Variants in PCGF5 observed in about 807,000 individuals in gnomAD.
The protein encoded by PCGF5 is polycomb group RING finger protein 5.
Under a neutral mutation model 44.3 loss-of-function variants are expected in PCGF5, and 9 were observed. That is an observed-to-expected ratio of 0.20 (90% CI 0.12 to 0.35). PCGF5 has a LOEUF of 0.35. Ranked by LOEUF, PCGF5 falls within the 10% of genes least tolerant of loss-of-function variation. The probability of loss-of-function intolerance (pLI) is 1.00; values close to 1 mark genes in which losing one functional copy is unlikely to be tolerated. For missense variants in PCGF5, 146 were observed against 305.3 expected (o/e 0.48, Z 3.89); for synonymous variants, 95 against 102.5 (o/e 0.93, Z 0.44).
chr10:91,265,898 G>A (rs756769248), intron 8 of PCGF5, among the ~76,000 whole-genome samples: 3 of 152,186 alleles, frequency 2.0e-5, no homozygotes, highest in Non-Finnish European at 2.9e-5. Context: ...ACCAAATAGT[G>A]TGTGGCCTTG....
chr10:91,231,750 G>A (rs12774904), intron 2 of PCGF5, among the ~76,000 whole-genome samples: 5,679 of 152,276 alleles, frequency 0.037, 150 homozygotes, highest in Middle Eastern at 0.082. Flanking sequence ...ATGTTTAAAG[G>A]AATCACTCAG....
chr10:91,190,506 A>G (rs889670860), intron 1 of PCGF5, among the ~76,000 whole-genome samples: 2 of 152,192 alleles, frequency 1.3e-5, no homozygotes, highest in African/African-American at 4.8e-5. Context: ...AATTATTACC[A>G]AGGTCATTTT....
At chr10:91,192,766 G>A (rs913890046) in intron 1 of PCGF5, among the ~76,000 whole-genome samples, 2 of 152,140 alleles carry the variant, frequency 1.3e-5, no homozygotes, top group African/African-American at 2.4e-5. Flanking sequence ...GCACAGAAAG[G>A]AGAAATCAAA....
upstream of PCGF5, among the ~76,000 whole-genome samples, chr10:91,161,092 G>A (rs773149616): frequency 2.0e-5 from 3 of 152,306 alleles, no homozygotes; most frequent in South Asian, 6.2e-4. Context: ...GATGTCTGCC[G>A]CAGTAGTTGC....
At chr10:91,259,554 A>G (rs1476157293) in intron 6 of PCGF5, among the ~76,000 whole-genome samples, 3 of 152,184 alleles carry the variant, frequency 2.0e-5, no homozygotes, top group African/African-American at 7.2e-5. Flanking sequence ...GCATCACGCT[A>G]CCTGACTTCA....
chr10:91,171,850 T>C (rs946522432), intron 1 of PCGF5, among the ~76,000 whole-genome samples: 1 of 152,132 alleles, frequency 6.6e-6, no homozygotes, highest in Non-Finnish European at 1.5e-5. Context: ...TAGAAGATCA[T>C]TGGTCTTCGG....
At chr10:91,173,590 T>G (rs1564624492) in intron 1 of PCGF5, among the ~76,000 whole-genome samples, 1 of 150,046 alleles carries the variant, frequency 6.7e-6, no homozygotes, top group Non-Finnish European at 1.5e-5. Context: ...TTTTTTTTTT[T>G]TTTTTCCCAC....
intron 7 of PCGF5, among the ~76,000 whole-genome samples, chr10:91,263,192 T>G (rs1845967512): frequency 6.6e-6 from 1 of 152,196 alleles, no homozygotes; most frequent in Admixed American, 6.5e-5. Context: ...TGTAACAGCA[T>G]TGCTAACTGG....
At chr10:91,230,760 C>T (rs1844980548) in intron 2 of PCGF5, among the ~76,000 whole-genome samples, 1 of 152,130 alleles carries the variant, frequency 6.6e-6, no homozygotes, top group Non-Finnish European at 1.5e-5. Context: ...AGCTGTGTTA[C>T]AGGTGTGCAC....
chr10:91,283,761 G>A lies in PCGF5; in HGVS notation c.*5445G>A, dbSNP rs1361853315. On this transcript the variant is annotated 3_prime_UTR_variant, in exon 10 of 10. Transcript: ENST00000336126. ...CTGAGCAACACAACAGAGATCATCA[G>A]TTTTAAATAGAGTAGCCCTCACAAT... 3.9e-5 allele frequency: 6 copies of A among 152,302 alleles called. No individual in the cohort carries two copies. The highest frequency in any genetic ancestry group is 1.4e-4 in the African/African-American group (6 of 41,432). 9.4% of individuals were successfully genotyped at this position (152,302 alleles called of 1,614,324 possible). A position where few individuals can be genotyped will look rare whatever the true frequency, so the allele number is the denominator to read the frequency against.
rs1223274106 is a variant in PCGF5 at position 91,282,202 on chromosome 10, AGG to A, written c.*3887_*3888del. 1 of 152,212 alleles carries A rather than the reference AGG, an allele frequency of 6.6e-6. No individual in the cohort carries two copies. The highest frequency in any genetic ancestry group is 1.5e-5 in the Non-Finnish European group (1 of 68,054). The allele number at this position is 152,212 out of a possible 1,614,324, so 9.4% of individuals were successfully genotyped here. A position where few individuals can be genotyped will look rare whatever the true frequency, so the allele number is the denominator to read the frequency against. ...TTTTTTCCCCTTAAAAAGCAACTCT[AGG>A]CCGGGCACAGTGGCTCATGCCTGTA... On this transcript the variant is annotated 3_prime_UTR_variant, in exon 10 of 10. Transcript: ENST00000336126.
rs1845908948 is a variant in PCGF5 at position 91,261,540 on chromosome 10, AT to A, written c.573+121del. On this transcript the variant is annotated intron_variant, in intron 7 of 9. Coordinates refer to ENST00000336126, the MANE Select transcript of PCGF5 (RefSeq NM_032373.5). ...ATTAATTTTTGTGGAAACTTTGATT[AT>A]TTTTGTGTTAAAAATTTAATTTTCA... 7 of 1,222,440 alleles carry A rather than the reference AT, an allele frequency of 5.7e-6. No homozygotes were observed. The Admixed American group carries it at 1.1e-4, about 19-fold the overall frequency. The allele number at this position is 1,222,440 out of a possible 1,614,324, so 75.7% of individuals were successfully genotyped here. A position where few individuals can be genotyped will look rare whatever the true frequency, so the allele number is the denominator to read the frequency against.
rs7089166 is a variant in PCGF5, at chr10:91,224,972, T to C, written c.112+1989T>C. ...CTTCTTTGAACATTTGTTCATTGTT[T>C]TTAATTTTTGGATTCATCCAGCAAA... is the stretch of plus-strand genomic sequence containing the variant. On this transcript the variant is annotated intron_variant, in intron 2 of 9. Coordinates refer to ENST00000336126, the MANE Select transcript of PCGF5 (RefSeq NM_032373.5). Among the ~76,000 whole-genome samples the C allele has an allele frequency of 6.3e-3, 957 of 152,222 alleles. 11 individuals are homozygous for C. Among genetic ancestry groups the C allele is most frequent in the African/African-American group, 0.021 (877 of 41,544 alleles).
chr10:91,254,117 C>T (rs759043714), intron 6 of PCGF5, among the ~76,000 whole-genome samples: 2 of 151,858 alleles, frequency 1.3e-5, no homozygotes, highest in Non-Finnish European at 2.9e-5. Flanking sequence ...TCCCATTAAA[C>T]CCATTAGTAA....
chr10:91,156,915 T>C, the PCGF5 span, among the ~76,000 whole-genome samples: 2 of 152,224 alleles, frequency 1.3e-5, no homozygotes, highest in Non-Finnish European at 2.9e-5. Context: ...AATTAACTAC[T>C]ATATACTAAG....
At chr10:91,189,605 A>T (rs1037288289) in intron 1 of PCGF5, among the ~76,000 whole-genome samples, 1 of 152,260 alleles carries the variant, frequency 6.6e-6, no homozygotes, top group Admixed American at 6.5e-5. Context: ...TTCCATATAT[A>T]CATACATATC....
At position 91,279,451 on chromosome 10, in the gene PCGF5, G is replaced by C. The variant is rs955850793; in HGVS notation, c.*1135G>C. 1 of 152,098 alleles carries C rather than the reference G, an allele frequency of 6.6e-6. No individual in the cohort carries two copies. The highest frequency in any genetic ancestry group is 1.5e-5 in the Non-Finnish European group (1 of 67,990). 9.4% of individuals were successfully genotyped at this position (152,098 alleles called of 1,614,324 possible). A position where few individuals can be genotyped will look rare whatever the true frequency, so the allele number is the denominator to read the frequency against. ...AGGGTATTTTATTTTAAATCCTGTA[G>C]TAATTGGGGAAATGAGAAGATTATT... On this transcript the variant is annotated 3_prime_UTR_variant, in exon 10 of 10. Transcript: ENST00000336126.
intron 7 of PCGF5, among the ~76,000 whole-genome samples, 163 bp downstream of exon 7, chr10:91,261,587 G>C (rs1845910767): frequency 6.6e-6 from 1 of 152,096 alleles, no homozygotes; most frequent in Admixed American, 6.6e-5. Context: ...TTCTACTTAG[G>C]TAATATGTGT....
chr10:91,268,695 A>AT (rs1039329137), intron 8 of PCGF5, among the ~76,000 whole-genome samples: 20 of 152,132 alleles, frequency 1.3e-4, no homozygotes, highest in Non-Finnish European at 2.4e-4. Context: ...AGGATAATTG[A>AT]TTTTGCCTCA....
Sources: allele counts gnomAD v4.1 joint callset (sites outside exome capture counted in the v4.1 genomes callset), GRCh38; gene constraint gnomAD v4.1.1; transcripts MANE v1.5; gene names NCBI Gene and HGNC (gene_info 2026-07-23, HGNC 2026-07-21).